FMN1: variants seen among roughly 807,000 people sequenced by gnomAD.
The protein encoded by FMN1 is formin-1.
In FMN1, 110 loss-of-function variants were observed where a neutral mutation model predicts 132.4. That is an observed-to-expected ratio of 0.83 (90% CI 0.71 to 0.97). The LOEUF (loss-of-function observed/expected upper bound fraction) is 0.97. Ranked by LOEUF, FMN1 falls within the 50% of genes least tolerant of loss-of-function variation. The pLI is 0.00. For missense variants in FMN1, 1,792 were observed against 1,705.3 expected (o/e 1.05, Z -0.90); for synonymous variants, 722 against 651.7 (o/e 1.11, Z -1.64).
Position 32,967,501 on chromosome 15 carries a change from G to T in FMN1, c.2987+1213C>A, listed in dbSNP as rs772710715. Among the ~76,000 whole-genome samples the T allele has an allele frequency of 2.6e-5, 4 of 152,198 alleles. No individual in the cohort carries two copies. The South Asian group carries it at 8.3e-4, about 31-fold the overall frequency. Reference sequence around the variant, plus strand: ...TCTGGGAAATGATTTTTTAGGAAATGTCTGAGTCTTTATTGGGAAAAAGGG... The same window carrying T: ...TCTGGGAAATGATTTTTTAGGAAATTTCTGAGTCTTTATTGGGAAAAAGGG... On this transcript the variant is annotated intron_variant, in intron 8 of 20. Coordinates refer to ENST00000616417, the MANE Select transcript of FMN1 (RefSeq NM_001277313.2).
At chr15:33,176,094 C>G (rs1459170704) in intron 3 of FMN1, among the ~76,000 whole-genome samples, 1 of 152,114 alleles carries the variant, frequency 6.6e-6, no homozygotes, top group African/African-American at 2.4e-5. Context: ...CCTGAGGCCC[C>G]CTAGGTGCAG....
intron 4 of FMN1, among the ~76,000 whole-genome samples, chr15:33,124,348 C>G (rs866388150): frequency 7.9e-5 from 12 of 152,224 alleles, no homozygotes; most frequent in African/African-American, 2.7e-4. Flanking sequence ...GTTATAGCCT[C>G]TCCGGGCTAC....
At chr15:32,911,652 A>C (rs1159065152) in intron 10 of FMN1, among the ~76,000 whole-genome samples, 1 of 152,188 alleles carries the variant, frequency 6.6e-6, no homozygotes. Context: ...ACCTCACAGA[A>C]CAGCAAGAAA....
Position 32,871,313 on chromosome 15 carries a change from G to A in FMN1, c.3836-14206C>T, listed in dbSNP as rs1337465403. Among the ~76,000 whole-genome samples, 3 of 152,120 alleles carry A rather than the reference G, an allele frequency of 2.0e-5. No individual in the cohort carries two copies. The East Asian group carries it at 5.8e-4, about 29-fold the overall frequency. Reference sequence around the variant, plus strand: ...CTTTCAGGGTCTGGGCCTCGGTATCGCGCTCCTTGCCCCTCCATCATTTTA... The same window carrying A: ...CTTTCAGGGTCTGGGCCTCGGTATCACGCTCCTTGCCCCTCCATCATTTTA... On this transcript the variant is annotated intron_variant, in intron 16 of 20. Coordinates refer to ENST00000616417, the MANE Select transcript of FMN1 (RefSeq NM_001277313.2).
intron 4 of FMN1, among the ~76,000 whole-genome samples, chr15:33,120,557 T>C (rs1962453337): frequency 6.6e-6 from 1 of 152,126 alleles, no homozygotes; most frequent in South Asian, 2.1e-4. Context: ...CCCCAGAGAT[T>C]ACTATTTTTT....
intron 17 of FMN1, among the ~76,000 whole-genome samples, chr15:32,813,073 C>CA (rs1290701609): frequency 2.6e-5 from 4 of 152,068 alleles, no homozygotes; most frequent in African/African-American, 9.7e-5. Flanking sequence ...CACAGTCTAA[C>CA]AACTAGTTAT....
rs1345479255 is a variant in FMN1, at chr15:33,019,256, A to C, written c.2162-11181T>G. Among the ~76,000 whole-genome samples, 3 of 152,088 alleles carry C rather than the reference A, an allele frequency of 2.0e-5. No homozygotes were observed. In the South Asian group the frequency reaches 6.3e-4, roughly 32 times the overall value. ...TCCCCACTAGATTAGCTAGATACAG[A>C]GTGTCCATTGGTGTATTTACAAACC... On this transcript the variant is annotated intron_variant, in intron 6 of 20. Transcript: ENST00000616417.
At chr15:32,813,388 T>C (rs571670378) in intron 17 of FMN1, among the ~76,000 whole-genome samples, 28 of 152,312 alleles carry the variant, frequency 1.8e-4, no homozygotes, top group African/African-American at 6.7e-4. Flanking sequence ...AAATGAAGTA[T>C]ATTTACCCAC....
intron 6 of FMN1, among the ~76,000 whole-genome samples, chr15:33,059,153 T>C (rs1326979721): frequency 6.6e-6 from 1 of 152,208 alleles, no homozygotes; most frequent in African/African-American, 2.4e-5. Context: ...TTTGTCTTTC[T>C]TGTGCCTGGC....
At chr15:32,855,157 T>TAAAAAAAAAAAAAAAAAA (rs750275479) in intron 17 of FMN1, among the ~76,000 whole-genome samples, 2 of 85,544 alleles carry the variant, frequency 2.3e-5, no homozygotes, top group Admixed American at 1.4e-4. Context: ...ACGTGGAGAG[T>TAAAAAAAAAAAAAAAAAA]AAAAAAAAAA....
chr15:32,823,152 GTTTTTTTTTTTTTTTTT>G (rs373185751), intron 17 of FMN1, among the ~76,000 whole-genome samples: 1 of 86,212 alleles, frequency 1.2e-5, no homozygotes. Flanking sequence ...AGTTTCTACT[GTTTTTTTTTTTTTTTTT>G]TTTTTTTTTT....
chr15:33,072,789 G>A (rs2038047219), intron 5 of FMN1, among the ~76,000 whole-genome samples: 1 of 152,044 alleles, frequency 6.6e-6, no homozygotes, highest in African/African-American at 2.4e-5. Flanking sequence ...CAGGCATGGT[G>A]GTGGGCACCT....
intron 4 of FMN1, among the ~76,000 whole-genome samples, chr15:33,148,559 G>T (rs1964320672): frequency 6.6e-6 from 1 of 152,196 alleles, no homozygotes; most frequent in Non-Finnish European, 1.5e-5. Flanking sequence ...AGAGGAGGGT[G>T]AGGCCAGGAT....
intron 9 of FMN1, among the ~76,000 whole-genome samples, chr15:32,962,423 T>C (rs555514645): frequency 5.9e-5 from 9 of 152,030 alleles, no homozygotes; most frequent in East Asian, 1.9e-4. Flanking sequence ...ATTCAGGACA[T>C]AGGCATGGGC....
intron 7 of FMN1, among the ~76,000 whole-genome samples, chr15:32,998,679 C>A (rs995532376): frequency 6.6e-6 from 1 of 152,066 alleles, no homozygotes; most frequent in Admixed American, 6.6e-5. Context: ...CAGCAGTAGC[C>A]CGTCACCTAA....
chr15:33,013,397 G>C (rs1566824955), intron 6 of FMN1, among the ~76,000 whole-genome samples: 1 of 152,112 alleles, frequency 6.6e-6, no homozygotes, highest in Non-Finnish European at 1.5e-5. Context: ...CTGAATAAAT[G>C]TGTCTTTTAT....
At chr15:32,949,779 T>G (rs1481344548) in intron 9 of FMN1, among the ~76,000 whole-genome samples, 1 of 150,480 alleles carries the variant, frequency 6.6e-6, no homozygotes, top group Non-Finnish European at 1.5e-5. Flanking sequence ...ACCTACAGAA[T>G]GGGAGAAAAA....
Position 33,154,231 on chromosome 15 carries a change from G to A in FMN1, c.684C>T (p.Cys228=). The change falls in exon 4 of 21, where the codon TGC becomes TGT. Residue 228 remains cysteine, a synonymous_variant. Coordinates refer to ENST00000616417, the MANE Select transcript of FMN1 (RefSeq NM_001277313.2). ...GNLLPNGALA[C]SLQRRESCPP... is the part of the protein sequence containing the mutation. ...GGCAGCTCTCTCTCCTCTGCAGGGA[G>A]CAGGCAAGTGCCCCATTCGGGAGCA... The A allele has an allele frequency of 6.5e-7, 1 of 1,536,196 alleles. No homozygotes were observed. Among genetic ancestry groups the A allele is most frequent in the South Asian group, 1.2e-5 (1 of 84,050 alleles).
intron 17 of FMN1, among the ~76,000 whole-genome samples, chr15:32,850,131 T>C (rs1425180527): frequency 6.6e-6 from 1 of 152,242 alleles, no homozygotes; most frequent in Non-Finnish European, 1.5e-5. Flanking sequence ...GCAGAGTTCA[T>C]GTTCTCTAGC....
Sources: allele counts gnomAD v4.1 joint callset (sites outside exome capture counted in the v4.1 genomes callset), GRCh38; gene constraint gnomAD v4.1.1; transcripts MANE v1.5; gene names NCBI Gene and HGNC (gene_info 2026-07-23, HGNC 2026-07-21).